The following RASGRP1 variants were observed in gnomAD, a reference collection of about 807,000 sequenced individuals.
RASGRP1 encodes the protein RAS guanyl releasing protein 1.
Under a neutral mutation model 95.1 loss-of-function variants are expected in RASGRP1, and 37 were observed. That is an observed-to-expected ratio of 0.39 (90% CI 0.30 to 0.51). The LOEUF is 0.51. Among genes scored for constraint, RASGRP1 ranks in the 20% least tolerant of loss-of-function variants. The pLI is 0.80. For missense variants in RASGRP1, 711 were observed against 965.4 expected, an observed-to-expected ratio of 0.74 and a Z score of 3.49; for synonymous variants, 325 against 353.4, an observed-to-expected ratio of 0.92 and a Z score of 0.90.
chr15:38,531,446 G>A (rs542553306), intron 2 of RASGRP1, among the ~76,000 whole-genome samples: 103 of 152,324 alleles, frequency 6.8e-4, no homozygotes, highest in African/African-American at 2.2e-3. Context: ...CACATTTCGT[G>A]AAATAGCTTT....
intron 2 of RASGRP1, among the ~76,000 whole-genome samples, chr15:38,543,858 C>G (rs924010430): frequency 1.3e-5 from 2 of 151,976 alleles, no homozygotes; most frequent in Admixed American, 6.6e-5. Context: ...AATTCTCTAT[C>G]TACTAATTCC....
Position 38,564,794 on chromosome 15 carries a change from G to T in RASGRP1, c.-166C>A. On this transcript the variant is annotated 5_prime_UTR_variant, in exon 1 of 17. Coordinates refer to ENST00000310803, the MANE Select transcript of RASGRP1 (RefSeq NM_005739.4). The stretch of plus-strand genomic sequence containing the variant: ...CGAGCCCGACCGAGGTGCACCGCAG[G>T]CACAAACTTTGTGCGAGCGCGCCCC... 4.5e-6 allele frequency: 2 copies of T among 447,998 alleles called. No individual in the cohort carries two copies. Among genetic ancestry groups the T allele is most frequent in the Non-Finnish European group, 6.4e-6 (2 of 310,622 alleles). The allele number at this position is 447,998 out of a possible 1,614,324, so 27.8% of individuals were successfully genotyped here.
At chr15:38,521,525 T>C (rs551552505) in intron 3 of RASGRP1, among the ~76,000 whole-genome samples, 1 of 152,304 alleles carries the variant, frequency 6.6e-6, no homozygotes, top group African/African-American at 2.4e-5. Flanking sequence ...AGAGCCCCTA[T>C]GCCATGGCAA....
chr15:38,522,975 T>C (rs1892058216), intron 3 of RASGRP1, among the ~76,000 whole-genome samples: 1 of 151,766 alleles, frequency 6.6e-6, no homozygotes, highest in African/African-American at 2.4e-5. Context: ...AGTGGGACAG[T>C]GGTTCAGGAG....
chr15:38,512,693 A>AG, intron 7 of RASGRP1, 90 bp downstream of exon 7: 1 of 1,507,330 alleles, frequency 6.6e-7, no homozygotes, highest in South Asian at 1.2e-5. Flanking sequence ...GAGGGAAAAA[A>AG]CAGCTCTAAT....
In RASGRP1 at chr15:38,559,981, A is replaced by G; in HGVS notation, c.60T>C (p.Ala20=). 6.2e-7 allele frequency: 1 copy of G among 1,612,764 alleles called. No homozygotes were observed. The highest frequency in any genetic ancestry group is 8.5e-7 in the Non-Finnish European group (1 of 1,179,408). Residue 20 remains alanine, a synonymous_variant, in exon 2 of 17, where the codon GCT becomes GCC. Coordinates refer to ENST00000310803, the MANE Select transcript of RASGRP1 (RefSeq NM_005739.4). ...TTGCCTCTAGTCTTGCTTTAGAGGC[A>G]GCTCTGCAGCCATGGGAAGGTTTCC... ...APRKPSHGCR[A]ASKARLEAKP... is the part of the protein sequence containing the mutation.
At chr15:38,532,815 T>C (rs1892497367) in intron 2 of RASGRP1, among the ~76,000 whole-genome samples, 1 of 152,172 alleles carries the variant, frequency 6.6e-6, no homozygotes, top group Non-Finnish European at 1.5e-5. Flanking sequence ...AAGAACCATA[T>C]GAAAACTGCT....
chr15:38,501,935 A>G (rs182602175), intron 12 of RASGRP1, among the ~76,000 whole-genome samples: 210 of 151,566 alleles, frequency 1.4e-3, no homozygotes, highest in African/African-American at 4.9e-3. Context: ...GCTCACTGCA[A>G]CCTCCGCCTC....
chr15:38,558,514 G>A (rs1893665356), intron 2 of RASGRP1, among the ~76,000 whole-genome samples: 1 of 152,222 alleles, frequency 6.6e-6, no homozygotes, highest in Admixed American at 6.5e-5. Flanking sequence ...TTCGCGAAGT[G>A]CGCTTCTTGG....
At chr15:38,564,140 C>T (rs1214990937) in intron 1 of RASGRP1, among the ~76,000 whole-genome samples, 1 of 152,194 alleles carries the variant, frequency 6.6e-6, no homozygotes, top group Non-Finnish European at 1.5e-5. Context: ...GCCACCTCTG[C>T]GGGCTCCCTG....
At chr15:38,548,627 G>A (rs1407379569) in intron 2 of RASGRP1, among the ~76,000 whole-genome samples, 5 of 149,820 alleles carry the variant, frequency 3.3e-5, no homozygotes, top group African/African-American at 1.3e-4. Context: ...GCAAAACAAC[G>A]TAAGGGACCT....
chr15:38,560,037 A>C, intron 1 of RASGRP1, 32 bp from the exon 2 acceptor site: 2 of 1,553,604 alleles, frequency 1.3e-6, no homozygotes, highest in Non-Finnish European at 1.8e-6. Flanking sequence ...TGAGGGGACA[A>C]ACGGGCAGCT....
intron 9 of RASGRP1, 149 bp from the exon 10 acceptor site, chr15:38,506,069 A>G (rs901194152): frequency 4.9e-6 from 3 of 618,138 alleles, no homozygotes; most frequent in South Asian, 2.0e-5. Flanking sequence ...CAGGTATAAC[A>G]CCTACTATTG....
At chr15:38,501,349 G>C (rs775280273) in intron 12 of RASGRP1, 62 bp from the exon 13 acceptor site, 109 of 1,572,566 alleles carry the variant, frequency 6.9e-5, no homozygotes, top group Non-Finnish European at 9.2e-5. Flanking sequence ...GGTAGCAAGG[G>C]GGGGCTTCTA....
Position 38,490,292 on chromosome 15 carries a change from G to T in RASGRP1, c.*262C>A, listed in dbSNP as rs4313770. 0.017 allele frequency: 5,049 copies of T among 294,192 alleles called. 50 individuals carry two copies. Among genetic ancestry groups the T allele is most frequent in the Middle Eastern group, 0.025 (26 of 1,042 alleles). 18.2% of individuals were successfully genotyped at this position (294,192 alleles called of 1,614,324 possible). ...GTCAGGAAATGATAGTCATGTTTTA[G>T]ATCGCATACTTTTGATGAACATCAG... On this transcript the variant is annotated 3_prime_UTR_variant, in exon 17 of 17. Coordinates refer to ENST00000310803, the MANE Select transcript of RASGRP1 (RefSeq NM_005739.4).
intron 3 of RASGRP1, among the ~76,000 whole-genome samples, chr15:38,524,943 C>A (rs1472883987): frequency 1.3e-5 from 2 of 148,532 alleles, no homozygotes. Flanking sequence ...GCACTAAGGG[C>A]AGGAACCCCG....
At chr15:38,545,203 A>G (rs1893062247) in intron 2 of RASGRP1, among the ~76,000 whole-genome samples, 1 of 152,222 alleles carries the variant, frequency 6.6e-6, no homozygotes, top group Non-Finnish European at 1.5e-5. Context: ...GCCATCTTAT[A>G]TCCTCACAGA....
intron 2 of RASGRP1, among the ~76,000 whole-genome samples, chr15:38,541,866 G>A (rs1015979190): frequency 6.6e-6 from 1 of 152,134 alleles, no homozygotes; most frequent in Non-Finnish European, 1.5e-5. Context: ...GGTAAACACG[G>A]GCAGTTCAGA....
chr15:38,552,835 G>A (rs1241004251), intron 2 of RASGRP1, among the ~76,000 whole-genome samples: 5 of 152,268 alleles, frequency 3.3e-5, no homozygotes, highest in Admixed American at 6.5e-5. Context: ...ACCACTGCTA[G>A]GAGATAATGA....
Sources: gnomAD v4.1 joint callset for allele counts (sites outside exome capture counted in the v4.1 genomes callset) on GRCh38, gnomAD v4.1.1 for gene constraint, MANE v1.5 for transcripts, NCBI Gene and HGNC (gene_info 2026-07-23, HGNC 2026-07-21) for gene names.